The following DGKH variants were observed in gnomAD, a reference collection of about 807,000 sequenced individuals.
DGKH encodes the protein DAG kinase eta.
Under a neutral mutation model 159.3 loss-of-function variants are expected in DGKH, and 90 were observed. The ratio of observed to expected loss-of-function variants is 0.57; its 90% CI spans 0.48 to 0.67. DGKH has a LOEUF of 0.67. Ranked by LOEUF, DGKH falls within the 30% of genes least tolerant of loss-of-function variation. DGKH has a pLI of 0.00. For synonymous variants in DGKH, 536 were observed against 553.8 expected, an observed-to-expected ratio of 0.97 and a Z score of 0.45; for missense variants, 1,181 against 1,506.1, an observed-to-expected ratio of 0.78 and a Z score of 3.57.
At chr13:42,122,845 A>G (rs532563634) in intron 1 of DGKH, among the ~76,000 whole-genome samples, 3 of 152,316 alleles carry the variant, frequency 2.0e-5, no homozygotes, top group Non-Finnish European at 4.4e-5. Context: ...ATAGGAGGAA[A>G]TTTTGTCTTC....
intron 1 of DGKH, among the ~76,000 whole-genome samples, chr13:42,095,374 G>A (rs981697134): frequency 6.6e-6 from 1 of 151,784 alleles, no homozygotes; most frequent in Non-Finnish European, 1.5e-5. Context: ...TGTTGGCCAG[G>A]CTGGTCTTGA....
chr13:42,194,789 G>A, intron 16 of DGKH, 96 bp from the exon 17 acceptor site: 1 of 1,358,814 alleles, frequency 7.4e-7, no homozygotes. Flanking sequence ...TCTACTGATT[G>A]ATTTAAACAT....
At chr13:42,043,640 T>C (rs1439203337) in intron 1 of DGKH, 1 of 152,174 alleles carries the variant, frequency 6.6e-6, no homozygotes, top group Non-Finnish European at 1.5e-5. Flanking sequence ...GCTTTTTAAA[T>C]TCAAATATAG....
chr13:42,051,962 C>T (rs887483259), intron 1 of DGKH, among the ~76,000 whole-genome samples: 4 of 152,108 alleles, frequency 2.6e-5, no homozygotes, highest in Admixed American at 1.3e-4. Context: ...ACGGCCTCAG[C>T]CCCAGTCATT....
intron 1 of DGKH, among the ~76,000 whole-genome samples, chr13:42,057,149 G>A (rs1479750245): frequency 6.7e-6 from 1 of 148,330 alleles, no homozygotes; most frequent in African/African-American, 2.5e-5. Context: ...CTTCAAATAG[G>A]TTTTCAAAGA....
intron 3 of DGKH, among the ~76,000 whole-genome samples, chr13:42,148,344 T>C (rs902432829): frequency 6.6e-6 from 1 of 152,196 alleles, no homozygotes; most frequent in Non-Finnish European, 1.5e-5. Flanking sequence ...ACATGAATAA[T>C]GGAGTCATCT....
At chr13:42,170,985 A>G (rs148442747) in intron 11 of DGKH, among the ~76,000 whole-genome samples, 7 of 151,852 alleles carry the variant, frequency 4.6e-5, no homozygotes, top group Admixed American at 4.6e-4. Flanking sequence ...GTCATTGTTT[A>G]ATGTTTTAAA....
Position 42,240,084 on chromosome 13 carries a change from C to T in DGKH, c.*10896C>T, listed in dbSNP as rs1040445986. ...TTACACACACACAACCTGTCTCTTC[C>T]ACTGAACTTCTCTCTCCCCCTTTGT... On this transcript the variant is annotated 3_prime_UTR_variant, in exon 30 of 30. Transcript: ENST00000337343. The T allele has an allele frequency of 2.0e-5, 3 of 152,188 alleles. No homozygotes were observed. The highest frequency in any genetic ancestry group is 7.2e-5 in the African/African-American group (3 of 41,444). The allele number at this position is 152,188 out of a possible 1,614,324, so 9.4% of individuals were successfully genotyped here. A position where few individuals can be genotyped will look rare whatever the true frequency, so the allele number is the denominator to read the frequency against.
chr13:42,113,355 G>A (rs1297995601), intron 1 of DGKH, among the ~76,000 whole-genome samples: 1 of 152,064 alleles, frequency 6.6e-6, no homozygotes, highest in African/African-American at 2.4e-5. Flanking sequence ...GTATGTGTAG[G>A]TTCCTATGCC....
chr13:42,106,396 C>T (rs1207743078), intron 1 of DGKH, among the ~76,000 whole-genome samples: 1 of 152,258 alleles, frequency 6.6e-6, no homozygotes. Context: ...CCTTCGAGTC[C>T]TGCCTGGCTC....
intron 1 of DGKH, among the ~76,000 whole-genome samples, chr13:42,116,714 C>T (rs1324982545): frequency 1.3e-5 from 2 of 152,180 alleles, no homozygotes; most frequent in African/African-American, 2.4e-5. Flanking sequence ...CCACTTGTGA[C>T]ACAGAGGCGT....
rs56173082 is a variant in DGKH at position 42,218,502 on chromosome 13, C to CT, written c.3214-706dup. Among the ~76,000 whole-genome samples, 550 of 88,278 alleles carry CT rather than the reference C, an allele frequency of 6.2e-3. 11 individuals are homozygous for CT. The highest frequency in any genetic ancestry group is 0.022 in the Middle Eastern group (4 of 182). 57.9% of individuals were successfully genotyped at this position (88,278 alleles called of 152,430 possible). The stretch of plus-strand genomic sequence containing the variant: ...AAAGTATTATTTGTTCATGTGGTGA[C>CT]TTTTTTTTTTTTTTTTTTTTTTGAG... On this transcript the variant is annotated intron_variant, in intron 26 of 29. Coordinates refer to ENST00000337343, the MANE Select transcript of DGKH (RefSeq NM_178009.5).
Position 42,159,298 on chromosome 13 carries a change from G to A in DGKH, c.655G>A (p.Val219Met), listed in dbSNP as rs777443188. The change falls in exon 6 of 30, where the codon GTG (valine) becomes ATG (methionine). Residue 219 changes from valine (V) to methionine (M), a missense_variant. By Grantham distance (21) the Val-to-Met change is conservative. Around this residue, in one of 5 missense-constraint regions of DGKH, gnomAD observed 369 missense variants for 519.4 expected, o/e 0.71. Coordinates refer to ENST00000337343, the MANE Select transcript of DGKH (RefSeq NM_178009.5). ...CKFKAHKRCA[V>M]RATNNCKWTT... ...ATTCAAGGCTCACAAAAGATGTGCA[G>A]TGAGAGCAACAAATAACTGTAAATG... 2.6e-6 allele frequency: 3 copies of A among 1,156,562 alleles called. No individual in the cohort carries two copies. Among genetic ancestry groups the A allele is most frequent in the South Asian group, 2.4e-5 (2 of 82,850 alleles). The allele number at this position is 1,156,562 out of a possible 1,614,324, so 71.6% of individuals were successfully genotyped here.
chr13:42,041,327 C>T (rs1880490095), intron 1 of DGKH, among the ~76,000 whole-genome samples: 2 of 152,122 alleles, frequency 1.3e-5, no homozygotes, highest in South Asian at 4.1e-4. Flanking sequence ...CTGGTCGTCA[C>T]CTGGGCGCGC....
In DGKH at chr13:42,239,237, AT is replaced by A. The variant is rs1958473635; in HGVS notation, c.*10050del. On this transcript the variant is annotated 3_prime_UTR_variant, in exon 30 of 30. Coordinates refer to ENST00000337343, the MANE Select transcript of DGKH (RefSeq NM_178009.5). ...TATAATTGCGCAGCATTTTAAAAAA[AT>A]ATACATAATTATGAGGATGAGAGAA... is the stretch of plus-strand genomic sequence containing the variant. 2 of 152,248 alleles carry A rather than the reference AT, an allele frequency of 1.3e-5. No individual in the cohort carries two copies. The highest frequency in any genetic ancestry group is 2.1e-4 in the South Asian group (1 of 4,836). 9.4% of individuals were successfully genotyped at this position (152,248 alleles called of 1,614,324 possible).
At chr13:42,121,789 T>C (rs1321193523) in intron 1 of DGKH, among the ~76,000 whole-genome samples, 1 of 152,236 alleles carries the variant, frequency 6.6e-6, no homozygotes, top group Non-Finnish European at 1.5e-5. Context: ...TATGGAAAGA[T>C]GTACTCCTAG....
chr13:42,089,923 A>AC (rs1283623390), intron 1 of DGKH, among the ~76,000 whole-genome samples: 1 of 151,762 alleles, frequency 6.6e-6, no homozygotes. Flanking sequence ...CAGATTACAA[A>AC]AAATTAAATT....
intron 1 of DGKH, among the ~76,000 whole-genome samples, chr13:42,051,432 A>G (rs1195732098): frequency 6.6e-6 from 1 of 152,124 alleles, no homozygotes; most frequent in Non-Finnish European, 1.5e-5. Flanking sequence ...TATCACATAT[A>G]CTGATTCTTG....
chr13:42,070,701 A>C (rs1882903745), intron 1 of DGKH: 1 of 1,611,932 alleles, frequency 6.2e-7, no homozygotes, highest in Admixed American at 1.7e-5. Context: ...GATACATGAA[A>C]AGCCTGGCAT....
Sources: gnomAD v4.1 joint callset for allele counts (sites outside exome capture counted in the v4.1 genomes callset) on GRCh38, gnomAD v4.1.1 for gene constraint, gnomAD v4.1.1 regional missense constraint, MANE v1.5 for transcripts, NCBI Gene and HGNC (gene_info 2026-07-23, HGNC 2026-07-21) for gene names.